DMD: variants seen among roughly 807,000 people sequenced by gnomAD.
DMD encodes the protein mutant dystrophin.
In DMD, 63 loss-of-function variants were observed where a neutral mutation model predicts 330.1. That is an observed-to-expected ratio of 0.19 (90% CI 0.16 to 0.24). The LOEUF (loss-of-function observed/expected upper bound fraction) is 0.24. Among genes scored for constraint, DMD ranks in the 10% least tolerant of loss-of-function variants. The pLI is 1.00. For missense variants in DMD, 3,344 were observed against 2,684.1 expected (o/e 1.25, Z -5.43); for synonymous variants, 1,223 against 959.8 (o/e 1.27, Z -5.07).
At chrX:31,969,611 TGAAG>T (rs2095381276) in intron 44 of DMD, among the ~76,000 whole-genome samples, 1 of 111,637 alleles carries the variant, frequency 9.0e-6, no homozygotes, top group Non-Finnish European at 1.9e-5. Flanking sequence ...GCTTCCTAAA[TGAAG>T]GAAGGAATGC....
At chrX:31,885,199 T>C (rs1291768269) in intron 47 of DMD, among the ~76,000 whole-genome samples, 1 of 111,631 alleles carries the variant, frequency 9.0e-6, no homozygotes, top group African/African-American at 3.3e-5. Context: ...ATAATATTCA[T>C]AAGGTTACTA....
At chrX:31,890,962 AT>A (rs1460881253) in intron 47 of DMD, among the ~76,000 whole-genome samples, 4 of 112,098 alleles carry the variant, frequency 3.6e-5, no homozygotes, top group African/African-American at 1.3e-4. Flanking sequence ...TCTATGTGTA[AT>A]ATTCATATTG....
intron 44 of DMD, among the ~76,000 whole-genome samples, chrX:32,077,106 A>T (rs1160056963): frequency 9.0e-6 from 1 of 111,634 alleles, no homozygotes; most frequent in Non-Finnish European, 1.9e-5. Context: ...GGCAAAATTA[A>T]TCTATGGTAT....
intron 2 of DMD, among the ~76,000 whole-genome samples, chrX:32,983,556 CACACACACACACACACACATAT>C (rs1193132407): frequency 2.9e-4 from 27 of 94,170 alleles, no homozygotes; most frequent in African/African-American, 1.3e-3. Context: ...CACACACACA[CACACACACACACACACACATAT>C]AGGAACACCG....
intron 21 of DMD, among the ~76,000 whole-genome samples, chrX:32,482,112 T>A (rs1214281527): frequency 1.8e-5 from 2 of 112,119 alleles, no homozygotes; most frequent in Non-Finnish European, 3.8e-5. Context: ...GTTAATGAAA[T>A]AAACTCAAAT....
In DMD at chrX:33,089,596, A is replaced by T. The variant is rs187852160; in HGVS notation, c.32-69396T>A. ...CAATGTGACTCTCGGAAAAATTTTT[A>T]AAAAAGTTATGAATTAAAAAACTTT... On this transcript the variant is annotated intron_variant, in intron 1 of 78. Coordinates refer to ENST00000357033, the MANE Select transcript of DMD (RefSeq NM_004006.3). Among the ~76,000 whole-genome samples, 596 of 111,497 alleles carry T rather than the reference A, an allele frequency of 5.3e-3. 9 individuals carry two copies. The highest frequency in any genetic ancestry group is 0.017 in the African/African-American group (534 of 30,680).
intron 1 of DMD, among the ~76,000 whole-genome samples, chrX:33,036,184 C>T (rs1415309816): frequency 9.0e-6 from 1 of 110,955 alleles, no homozygotes; most frequent in Non-Finnish European, 1.9e-5. Context: ...TTATACAATG[C>T]CAAGGTCAAT....
intron 51 of DMD, among the ~76,000 whole-genome samples, chrX:31,760,165 G>A (rs968122709): frequency 2.7e-5 from 3 of 112,105 alleles, no homozygotes; most frequent in African/African-American, 9.7e-5. Context: ...ATGAACACCT[G>A]ATGAACCTGG....
At chrX:32,288,257 A>G (rs56081389) in intron 42 of DMD, among the ~76,000 whole-genome samples, 7,299 of 111,307 alleles carry the variant, frequency 0.066, 605 homozygotes, top group African/African-American at 0.23. Context: ...TTCTCATCCC[A>G]TAGATTCCCT....
chrX:31,839,955 C>G (rs1234905695), intron 48 of DMD, among the ~76,000 whole-genome samples: 6 of 111,517 alleles, frequency 5.4e-5, no homozygotes, highest in South Asian at 3.7e-4. Flanking sequence ...CTATACAAAT[C>G]TAAAAACTTC....
intron 54 of DMD, among the ~76,000 whole-genome samples, chrX:31,637,373 A>G (rs1348752871): frequency 8.9e-6 from 1 of 112,084 alleles, no homozygotes; most frequent in Non-Finnish European, 1.9e-5. Context: ...GGCCTTTTAT[A>G]AGATCAATTA....
At chrX:32,700,778 A>T (rs2064053133) in intron 7 of DMD, among the ~76,000 whole-genome samples, 1 of 111,469 alleles carries the variant, frequency 9.0e-6, no homozygotes, top group South Asian at 3.7e-4. Context: ...TCCTTGCCAT[A>T]CAATTTATCT....
chrX:31,295,634 C>T (rs1293217730), intron 62 of DMD, among the ~76,000 whole-genome samples: 5 of 111,652 alleles, frequency 4.5e-5, no homozygotes, highest in Non-Finnish European at 7.5e-5. Flanking sequence ...AGGCTGGTCT[C>T]GAACTCCTGA....
chrX:33,267,679 T>A (rs993282860), intron 1 of DMD, among the ~76,000 whole-genome samples: 8 of 111,243 alleles, frequency 7.2e-5, no homozygotes, highest in Non-Finnish European at 1.5e-4. Context: ...CAGTAGCCAA[T>A]ACAGCATAAT....
At chrX:31,732,594 A>C (rs1279695716) in intron 51 of DMD, among the ~76,000 whole-genome samples, 1 of 111,317 alleles carries the variant, frequency 9.0e-6, no homozygotes, top group Non-Finnish European at 1.9e-5. Context: ...GAACTTCTCA[A>C]ATAAACTGAC....
At chrX:32,429,798 T>G (rs1317996963) in intron 29 of DMD, among the ~76,000 whole-genome samples, 1 of 110,666 alleles carries the variant, frequency 9.0e-6, no homozygotes. Flanking sequence ...CCCTCCATAT[T>G]GTTTTTAATC....
intron 2 of DMD, among the ~76,000 whole-genome samples, chrX:32,988,947 T>C (rs1416229236): frequency 1.8e-5 from 2 of 111,484 alleles, no homozygotes; most frequent in Non-Finnish European, 3.8e-5. Flanking sequence ...ACATAAGATA[T>C]TATAAAATGT....
intron 7 of DMD, among the ~76,000 whole-genome samples, chrX:32,751,391 G>C (rs1169651313): frequency 9.0e-6 from 1 of 111,575 alleles, no homozygotes; most frequent in Non-Finnish European, 1.9e-5. Flanking sequence ...TTAGCAAAGA[G>C]ACTGGGAGCA....
At chrX:33,264,287 C>T (rs2053006525) in intron 1 of DMD, among the ~76,000 whole-genome samples, 1 of 111,162 alleles carries the variant, frequency 9.0e-6, no homozygotes, top group Non-Finnish European at 1.9e-5. Flanking sequence ...AATAAAACTT[C>T]ATGTACCTTT....
Sources: gnomAD v4.1 joint callset for allele counts (sites outside exome capture counted in the v4.1 genomes callset) on GRCh38, gnomAD v4.1.1 for gene constraint, MANE v1.5 for transcripts, NCBI Gene and HGNC (gene_info 2026-07-23, HGNC 2026-07-21) for gene names.